The following SPHKAP variants were observed in gnomAD, a reference collection of about 807,000 sequenced individuals.
The protein encoded by SPHKAP is A-kinase anchor protein SPHKAP.
In SPHKAP, 67 loss-of-function variants were observed where a neutral mutation model predicts 137.5. The observed-to-expected ratio is 0.49, with a 90% CI of 0.40 to 0.60. The LOEUF (loss-of-function observed/expected upper bound fraction) is 0.60. Ranked by LOEUF, SPHKAP falls within the 20% of genes least tolerant of loss-of-function variation. SPHKAP has a pLI of 0.00. For missense variants in SPHKAP, 2,097 were observed against 2,069.3 expected (o/e 1.01, Z -0.26); for synonymous variants, 813 against 785.3 (o/e 1.04, Z -0.59).
At chr2:228,140,968 AT>A (rs1699587733) in intron 1 of SPHKAP, among the ~76,000 whole-genome samples, 1 of 152,130 alleles carries the variant, frequency 6.6e-6, no homozygotes, top group African/African-American at 2.4e-5. Flanking sequence ...CTTCTGATAA[AT>A]TTCCCAGTCT....
intron 1 of SPHKAP, among the ~76,000 whole-genome samples, chr2:228,154,512 CTA>C (rs1559203928): frequency 8.2e-4 from 18 of 22,066 alleles, no homozygotes; most frequent in Admixed American, 2.2e-3. Flanking sequence ...CTCTCTCTCT[CTA>C]TATATATATA....
intron 3 of SPHKAP, among the ~76,000 whole-genome samples, chr2:228,108,035 T>C (rs574113547): frequency 6.6e-6 from 1 of 152,312 alleles, no homozygotes; most frequent in African/African-American, 2.4e-5. Flanking sequence ...GCTTCCTTTT[T>C]TGTTTCTTTT....
In SPHKAP at chr2:228,017,610, T is replaced by TG. The variant is rs1318696596; in HGVS notation, c.3243dup (p.Ser1082GlnfsTer7). 3 of 1,613,942 alleles carry TG rather than the reference T, an allele frequency of 1.9e-6. No individual in the cohort carries two copies. Among genetic ancestry groups the TG allele is most frequent in the Non-Finnish European group, 2.5e-6 (3 of 1,180,032 alleles). ...TCTTCCTCAGGAATGCTTTCGCAGC[T>TG]GGAGGCCTTCAGCCGGCTCCACCTG... is the stretch of plus-strand genomic sequence containing the variant. On this transcript the variant is annotated frameshift_variant, in exon 7 of 12. Coordinates refer to ENST00000392056, the MANE Select transcript of SPHKAP (RefSeq NM_001142644.2). LOFTEE classifies it high-confidence loss of function.
intron 3 of SPHKAP, among the ~76,000 whole-genome samples, chr2:228,061,897 A>G (rs1389652129): frequency 2.6e-5 from 4 of 152,180 alleles, no homozygotes; most frequent in East Asian, 1.9e-4. Flanking sequence ...TTCTGGCTTT[A>G]TTAGCCTGTG....
intron 3 of SPHKAP, among the ~76,000 whole-genome samples, chr2:228,063,802 G>A (rs1696740191): frequency 6.6e-6 from 1 of 152,196 alleles, no homozygotes; most frequent in Non-Finnish European, 1.5e-5. Context: ...TTGCCAGTAT[G>A]ACTGGTCTAA....
intron 1 of SPHKAP, among the ~76,000 whole-genome samples, chr2:228,144,268 T>C (rs976042866): frequency 8.5e-5 from 13 of 152,212 alleles, no homozygotes; most frequent in Non-Finnish European, 1.8e-4. Context: ...TTGTTTCCTG[T>C]GTTTATTATT....
At chr2:228,005,601 G>A (rs922568493) in intron 7 of SPHKAP, among the ~76,000 whole-genome samples, 1 of 152,182 alleles carries the variant, frequency 6.6e-6, no homozygotes, top group African/African-American at 2.4e-5. Context: ...TATGATGTTA[G>A]CTGGTTGTTT....
At chr2:228,143,590 G>T (rs546380451) in intron 1 of SPHKAP, among the ~76,000 whole-genome samples, 2 of 151,670 alleles carry the variant, frequency 1.3e-5, no homozygotes, top group East Asian at 3.9e-4. Context: ...CCGCCTCCCT[G>T]GTTCAAGCAA....
chr2:228,005,110 G>T (rs1306699305), intron 7 of SPHKAP, among the ~76,000 whole-genome samples: 1 of 152,140 alleles, frequency 6.6e-6, no homozygotes, highest in African/African-American at 2.4e-5. Flanking sequence ...GGATATCCTT[G>T]TTAACTTTCT....
At chr2:228,009,992 G>T (rs571835684) in intron 7 of SPHKAP, among the ~76,000 whole-genome samples, 2 of 152,176 alleles carry the variant, frequency 1.3e-5, no homozygotes, top group African/African-American at 4.8e-5. Context: ...AGGTCAAGAG[G>T]CTTCCTGTGC....
At chr2:228,172,070 C>T (rs928895294) in intron 1 of SPHKAP, among the ~76,000 whole-genome samples, 6 of 151,582 alleles carry the variant, frequency 4.0e-5, no homozygotes, top group Admixed American at 1.3e-4. Context: ...GTGTGTATAT[C>T]CTATTTAAGA....
intron 3 of SPHKAP, among the ~76,000 whole-genome samples, chr2:228,054,422 A>G (rs1696367198): frequency 6.6e-6 from 1 of 152,184 alleles, no homozygotes; most frequent in African/African-American, 2.4e-5. Context: ...GAGGATTGCC[A>G]GGAGAAAGTG....
intron 7 of SPHKAP, among the ~76,000 whole-genome samples, chr2:228,005,107 C>T (rs1202094064): frequency 6.6e-6 from 1 of 152,090 alleles, no homozygotes; most frequent in Non-Finnish European, 1.5e-5. Flanking sequence ...CCTGGATATC[C>T]TTGTTAACTT....
At chr2:228,080,896 A>G (rs1032851328) in intron 3 of SPHKAP, among the ~76,000 whole-genome samples, 11 of 152,178 alleles carry the variant, frequency 7.2e-5, no homozygotes, top group Admixed American at 2.0e-4. Context: ...CCTTGTACAC[A>G]GTTGTTGGGA....
chr2:228,071,893 C>G (rs1372112246), intron 3 of SPHKAP, among the ~76,000 whole-genome samples: 1 of 152,102 alleles, frequency 6.6e-6, no homozygotes, highest in Non-Finnish European at 1.5e-5. Context: ...AACTGGGCCA[C>G]TGGATGTCCA....
At chr2:228,091,992 T>C (rs1307157387) in intron 3 of SPHKAP, among the ~76,000 whole-genome samples, 1 of 151,696 alleles carries the variant, frequency 6.6e-6, no homozygotes, top group East Asian at 1.9e-4. Context: ...AGCACAATTC[T>C]CAGTTGCAAA....
intron 3 of SPHKAP, among the ~76,000 whole-genome samples, chr2:228,038,701 G>A (rs1695728104): frequency 6.6e-6 from 1 of 152,116 alleles, no homozygotes; most frequent in Admixed American, 6.6e-5. Flanking sequence ...TAGTTCATGA[G>A]GGCAGGCCCT....
At chr2:228,121,766 T>A (rs866889284) in intron 2 of SPHKAP, among the ~76,000 whole-genome samples, 1 of 152,144 alleles carries the variant, frequency 6.6e-6, no homozygotes, top group South Asian at 2.1e-4. Flanking sequence ...AGGAGAGGGC[T>A]CATTGTAAGG....
intron 7 of SPHKAP, among the ~76,000 whole-genome samples, chr2:228,004,763 T>C (rs1161156011): frequency 1.3e-5 from 2 of 152,220 alleles, no homozygotes; most frequent in African/African-American, 2.4e-5. Context: ...TGTGTCTTTG[T>C]TCTCGTTGGT....
Sources: allele counts gnomAD v4.1 joint callset (sites outside exome capture counted in the v4.1 genomes callset), GRCh38; gene constraint gnomAD v4.1.1; transcripts MANE v1.5; gene names NCBI Gene and HGNC (gene_info 2026-07-23, HGNC 2026-07-21).